Variants in ARSB observed in about 807,000 individuals in gnomAD.
The protein encoded by ARSB is arylsulfatase B, also known as N-acetylgalactosamine-4-sulfatase.
ARSB carries 41 observed loss-of-function variants against 50.9 expected under a neutral mutation model. The ratio of observed to expected loss-of-function variants is 0.81; its 90% CI spans 0.63 to 1.04. ARSB has a LOEUF of 1.04. Among genes scored for constraint, ARSB ranks in the 50% least tolerant of loss-of-function variants. The pLI is 0.00. For synonymous variants in ARSB, 269 were observed against 284.8 expected, an observed-to-expected ratio of 0.94 and a Z score of 0.56; for missense variants, 672 against 693.3, an observed-to-expected ratio of 0.97 and a Z score of 0.35.
Position 78,920,373 on chromosome 5 carries a change from C to T in ARSB, c.899-34546G>A, listed in dbSNP as rs140991039. Among the ~76,000 whole-genome samples, 106 of 152,192 alleles carry T rather than the reference C, an allele frequency of 7.0e-4. 2 individuals are homozygous for T. Among genetic ancestry groups the T allele is most frequent in the African/African-American group, 2.5e-3 (103 of 41,528 alleles). On this transcript the variant is annotated intron_variant, in intron 4 of 7. Transcript: ENST00000264914. ...AGCCTGAGCAACATAGCAAGACTGT[C>T]TCTAATAAAAAATAAAATAAATTAT...
chr5:78,935,967 CCCTT>C (rs1410281869), intron 4 of ARSB, among the ~76,000 whole-genome samples: 35 of 106,282 alleles, frequency 3.3e-4, no homozygotes, highest in African/African-American at 1.1e-3. Context: ...TTCTCTCCTT[CCCTT>C]CCTTCCTTCC....
intron 5 of ARSB, among the ~76,000 whole-genome samples, chr5:78,863,279 A>C (rs112556041): frequency 0.13 from 19,292 of 152,178 alleles, 1,421 homozygotes; most frequent in Middle Eastern, 0.21. Context: ...AGGATTATAA[A>C]TCATGCTACT....
intron 5 of ARSB, among the ~76,000 whole-genome samples, chr5:78,843,009 G>A (rs1275828659): frequency 6.6e-6 from 1 of 152,094 alleles, no homozygotes; most frequent in African/African-American, 2.4e-5. Flanking sequence ...AATTACCTGG[G>A]AAGCTTTTAA....
intron 6 of ARSB, among the ~76,000 whole-genome samples, chr5:78,811,906 AAC>A (rs1381578458): frequency 2.0e-5 from 3 of 152,174 alleles, no homozygotes; most frequent in Admixed American, 6.5e-5. Flanking sequence ...TGAAAAAGTT[AAC>A]AGTGTATTCA....
chr5:78,836,797 T>C (rs784587), intron 6 of ARSB, among the ~76,000 whole-genome samples: 51,759 of 151,988 alleles, frequency 0.34, 8,990 homozygotes, highest in Admixed American at 0.38. Context: ...TAGGTATAAA[T>C]AAGAGAGGTT....
chr5:78,801,658 T>C (rs1001877033), intron 6 of ARSB, among the ~76,000 whole-genome samples: 2 of 152,124 alleles, frequency 1.3e-5, no homozygotes, highest in African/African-American at 4.8e-5. Context: ...CTGACCACAT[T>C]TCTCGGCCTC....
chr5:78,841,165 C>CTAATAATAATAA (rs760097028), intron 5 of ARSB, among the ~76,000 whole-genome samples: 13 of 98,276 alleles, frequency 1.3e-4, no homozygotes, highest in South Asian at 3.7e-4. Context: ...ACTACTACTA[C>CTAATAATAATAA]TACTAATAAT....
chr5:78,810,720 G>A (rs888280482), intron 6 of ARSB, among the ~76,000 whole-genome samples: 1 of 152,296 alleles, frequency 6.6e-6, no homozygotes. Context: ...GTGCCACCAA[G>A]GACTATGTGA....
At position 78,985,123 on chromosome 5, in the gene ARSB, G is replaced by A; in HGVS notation, c.126C>T (p.Ser42=). 6.7e-7 allele frequency: 1 copy of A among 1,482,328 alleles called. No individual in the cohort carries two copies. Among genetic ancestry groups the A allele is most frequent in the Non-Finnish European group, 9.0e-7 (1 of 1,114,658 alleles). The allele number at this position is 1,482,328 out of a possible 1,614,324, so 91.8% of individuals were successfully genotyped here. Residue 42 remains serine (S), a synonymous_variant, in exon 1 of 8, where the codon AGC becomes AGT. Coordinates refer to ENST00000264914, the MANE Select transcript of ARSB (RefSeq NM_000046.5). ...LAPPGSGAGA[S]RPPHLVFLLA... is the part of the protein sequence containing the mutation. ...GCAAGAAGACCAGGTGGGGCGGCCG[G>A]CTGGCCCCGGCGCCCGAGCCCGGCG...
intron 5 of ARSB, among the ~76,000 whole-genome samples, chr5:78,849,147 A>C (rs1239705782): frequency 6.6e-6 from 1 of 152,086 alleles, no homozygotes; most frequent in Non-Finnish European, 1.5e-5. Flanking sequence ...GCCCATGCCT[A>C]TGTCCTGAAT....
At chr5:78,927,199 C>G (rs917122784) in intron 4 of ARSB, among the ~76,000 whole-genome samples, 1 of 152,052 alleles carries the variant, frequency 6.6e-6, no homozygotes. Context: ...TTTTATTCAA[C>G]CCAATATATA....
At chr5:78,976,907 TC>T (rs1752694536) in intron 1 of ARSB, among the ~76,000 whole-genome samples, 1 of 152,112 alleles carries the variant, frequency 6.6e-6, no homozygotes, top group Admixed American at 6.5e-5. Context: ...CCTCATTCAC[TC>T]AGCTACCATC....
chr5:78,853,792 G>T (rs369669927), intron 5 of ARSB, among the ~76,000 whole-genome samples: 1 of 152,206 alleles, frequency 6.6e-6, no homozygotes, highest in Non-Finnish European at 1.5e-5. Flanking sequence ...CCTCGCTGCC[G>T]CCTTGCAGTT....
chr5:78,968,585 G>A (rs544722509), intron 2 of ARSB, among the ~76,000 whole-genome samples: 40 of 152,118 alleles, frequency 2.6e-4, no homozygotes, highest in Middle Eastern at 3.4e-3. Flanking sequence ...TCCTGACCTC[G>A]TGATCCGCCT....
intron 4 of ARSB, among the ~76,000 whole-genome samples, chr5:78,899,360 T>C (rs1472204479): frequency 6.6e-6 from 1 of 152,200 alleles, no homozygotes; most frequent in Non-Finnish European, 1.5e-5. Flanking sequence ...CTTTCTCAAG[T>C]TTTGGAAAGT....
intron 4 of ARSB, among the ~76,000 whole-genome samples, chr5:78,939,901 G>A (rs1293499156): frequency 6.6e-6 from 1 of 152,202 alleles, no homozygotes; most frequent in African/African-American, 2.4e-5. Flanking sequence ...CCCACCAACA[G>A]TGTAAAAGTG....
intron 6 of ARSB, among the ~76,000 whole-genome samples, chr5:78,795,517 A>T (rs1743145248): frequency 6.6e-6 from 1 of 152,174 alleles, no homozygotes; most frequent in African/African-American, 2.4e-5. Context: ...TGTACCAAAG[A>T]AGAGTAAAAT....
At chr5:78,912,753 A>T (rs1342953824) in intron 4 of ARSB, among the ~76,000 whole-genome samples, 1 of 152,158 alleles carries the variant, frequency 6.6e-6, no homozygotes, top group Non-Finnish European at 1.5e-5. Context: ...CTTCTCCCCC[A>T]TGTGACCAAC....
intron 4 of ARSB, among the ~76,000 whole-genome samples, chr5:78,947,598 G>A (rs1751302588): frequency 6.6e-6 from 1 of 152,174 alleles, no homozygotes; most frequent in Non-Finnish European, 1.5e-5. Flanking sequence ...TCTCACCCCA[G>A]TTAAAATGGC....
Sources: allele counts gnomAD v4.1 joint callset (sites outside exome capture counted in the v4.1 genomes callset), GRCh38; gene constraint gnomAD v4.1.1; transcripts MANE v1.5; gene names NCBI Gene and HGNC (gene_info 2026-07-23, HGNC 2026-07-21).